The following GPHN variants were observed in gnomAD, a reference collection of about 807,000 sequenced individuals.
The protein encoded by GPHN is gephyrin.
A neutral mutation model predicts 95.5 loss-of-function variants in GPHN; 17 were observed. The ratio of observed to expected loss-of-function variants is 0.18; its 90% CI spans 0.12 to 0.27. The LOEUF is 0.27. Among genes scored for constraint, GPHN ranks in the 10% least tolerant of loss-of-function variants. GPHN has a pLI of 1.00. For synonymous variants in GPHN, 320 were observed against 322.5 expected (o/e 0.99, Z 0.08); for missense variants, 660 against 978.1 (o/e 0.67, Z 4.34).
intron 6 of GPHN, among the ~76,000 whole-genome samples, chr14:66,919,853 T>A (rs983455195): frequency 5.3e-5 from 8 of 151,964 alleles, no homozygotes; most frequent in Non-Finnish European, 1.0e-4. Flanking sequence ...GATCACAAGG[T>A]CAGGAGTTCA....
At chr14:67,370,591 C>T in the GPHN span, among the ~76,000 whole-genome samples, 1 of 152,092 alleles carries the variant, frequency 6.6e-6, no homozygotes, top group Non-Finnish European at 1.5e-5. Context: ...AATTTTATGC[C>T]AATCATCTCA....
chr14:67,172,480 A>G (rs2082653523), intron 21 of GPHN, among the ~76,000 whole-genome samples: 1 of 152,158 alleles, frequency 6.6e-6, no homozygotes, highest in African/African-American at 2.4e-5. Context: ...AAAGTGCCAG[A>G]GCCACCCAGA....
chr14:66,760,936 C>T, intron 2 of GPHN: 1 of 869,800 alleles, frequency 1.1e-6, no homozygotes, highest in South Asian at 1.3e-5. Context: ...ATCCGAGCCT[C>T]TTTTGCAGGC....
intron 4 of GPHN, among the ~76,000 whole-genome samples, chr14:66,845,856 TGTGTCTGTGTGCGTGC>T (rs1466125394): frequency 2.7e-5 from 4 of 147,366 alleles, no homozygotes; most frequent in African/African-American, 9.8e-5. Context: ...TGTGTGTGTG[TGTGTCTGTGTGCGTGC>T]GCACACGTGA....
chr14:67,580,895 CT>C, the GPHN span: 2 of 1,327,848 alleles, frequency 1.5e-6, no homozygotes, highest in Non-Finnish European at 2.2e-6. Context: ...CCCTTCTCTC[CT>C]TATCAGGAAA....
the GPHN span, among the ~76,000 whole-genome samples, chr14:67,404,693 C>T: frequency 6.6e-6 from 1 of 150,586 alleles, no homozygotes; most frequent in East Asian, 2.0e-4. Context: ...ACCTGTGGTC[C>T]CAGCCACTCA....
the GPHN span, chr14:67,303,679 G>A: frequency 4.1e-6 from 4 of 975,932 alleles, no homozygotes; most frequent in African/African-American, 6.6e-5. Context: ...TTACAGAAAT[G>A]TCACTGTTTC....
At chr14:67,635,837 G>A in the GPHN span, among the ~76,000 whole-genome samples, 1 of 152,156 alleles carries the variant, frequency 6.6e-6, no homozygotes, top group Non-Finnish European at 1.5e-5. Context: ...GGGTGAAAGA[G>A]CAAAACTTCA....
At chr14:66,704,837 G>C (rs1221209960) in intron 2 of GPHN, among the ~76,000 whole-genome samples, 1 of 152,088 alleles carries the variant, frequency 6.6e-6, no homozygotes, top group Non-Finnish European at 1.5e-5. Context: ...AGGAGATAGA[G>C]ACACAAAAAC....
chr14:67,710,935 TAAAATTATGGAACCACCATTGC>T, the GPHN span, among the ~76,000 whole-genome samples: 3 of 152,216 alleles, frequency 2.0e-5, no homozygotes, highest in Non-Finnish European at 2.9e-5. Context: ...AGTCATCATT[TAAAATTATGGAACCACCATTGC>T]AAAATTATAA....
the GPHN span, among the ~76,000 whole-genome samples, chr14:67,402,560 C>T: frequency 1.3e-5 from 2 of 152,128 alleles, no homozygotes; most frequent in Admixed American, 1.3e-4. Flanking sequence ...TTAACCATTC[C>T]CATCTCCCCG....
chr14:67,069,341 T>G (rs2076191024), intron 11 of GPHN, among the ~76,000 whole-genome samples: 1 of 152,020 alleles, frequency 6.6e-6, no homozygotes, highest in Admixed American at 6.6e-5. Flanking sequence ...TTACAGAGTA[T>G]TTACAGTATG....
chr14:67,192,422 T>C, the GPHN span, among the ~76,000 whole-genome samples: 3 of 152,068 alleles, frequency 2.0e-5, no homozygotes, highest in South Asian at 4.2e-4. Context: ...ACATGTATTT[T>C]TGAGTCACCA....
intron 5 of GPHN, among the ~76,000 whole-genome samples, chr14:66,898,448 G>T (rs1596314175): frequency 8.5e-6 from 1 of 117,530 alleles, no homozygotes; most frequent in East Asian, 2.7e-4. Context: ...ACGACCACTT[G>T]CTCCAGTGCT....
At chr14:66,637,230 T>C (rs1284674513) in intron 1 of GPHN, among the ~76,000 whole-genome samples, 1 of 152,208 alleles carries the variant, frequency 6.6e-6, no homozygotes, top group Non-Finnish European at 1.5e-5. Context: ...ATGGCCATAC[T>C]TAAATCTCTA....
At chr14:67,408,788 G>A in the GPHN span, among the ~76,000 whole-genome samples, 4 of 152,176 alleles carry the variant, frequency 2.6e-5, no homozygotes, top group Admixed American at 6.5e-5. Flanking sequence ...TTTCTTCTAC[G>A]CATATTTTTT....
chr14:67,506,790 C>G, the GPHN span, among the ~76,000 whole-genome samples: 1 of 152,166 alleles, frequency 6.6e-6, no homozygotes, highest in Non-Finnish European at 1.5e-5. Flanking sequence ...TCGAGACCAT[C>G]CTGGCCAACG....
At chr14:67,454,586 G>C in the GPHN span, 2 of 152,122 alleles carry the variant, frequency 1.3e-5, no homozygotes, top group Non-Finnish European at 2.9e-5. Flanking sequence ...AACACAAATG[G>C]GCATCTCTCA....
At chr14:66,909,751 T>C (rs1332259894) in intron 5 of GPHN, among the ~76,000 whole-genome samples, 1 of 151,938 alleles carries the variant, frequency 6.6e-6, no homozygotes, top group Non-Finnish European at 1.5e-5. Flanking sequence ...CCAAGTATAC[T>C]TCTGTCCAAT....
Sources: allele counts gnomAD v4.1 joint callset (sites outside exome capture counted in the v4.1 genomes callset), GRCh38; gene constraint gnomAD v4.1.1; transcripts MANE v1.5; gene names NCBI Gene and HGNC (gene_info 2026-07-23, HGNC 2026-07-21).